The following ZNF563 variants were observed in gnomAD, a reference collection of about 807,000 sequenced individuals.
ZNF563 encodes the protein zinc finger protein 563.
ZNF563 carries 39 observed loss-of-function variants against 48.5 expected under a neutral mutation model. The observed-to-expected ratio is 0.80, with a 90% CI of 0.62 to 1.05. ZNF563 has a LOEUF of 1.05. Ranked by LOEUF, ZNF563 falls within the 50% of genes least tolerant of loss-of-function variation. The pLI is 0.00. For missense variants in ZNF563, 538 were observed against 597.0 expected, an observed-to-expected ratio of 0.90 and a Z score of 1.03; for synonymous variants, 168 against 187.9, an observed-to-expected ratio of 0.89 and a Z score of 0.87.
chr19:12,336,972 G>C (rs1969027347), upstream of ZNF563, among the ~76,000 whole-genome samples: 1 of 152,148 alleles, frequency 6.6e-6, no homozygotes, highest in African/African-American at 2.4e-5. Flanking sequence ...TTATTCATTT[G>C]AAACAGTCTT....
At chr19:12,346,172 T>G in the ZNF563 span, 3 of 152,060 alleles carry the variant, frequency 2.0e-5, no homozygotes, top group South Asian at 6.2e-4. Context: ...TCCAAGCACT[T>G]GGGAGCTGAA....
In ZNF563 at chr19:12,319,326, G is replaced by C. The variant is rs1311032845; in HGVS notation, c.699C>G (p.Ala233=). ...KPYECKQCSK[A]FPFYSSYRRH... ...TTCGATAGGAACTGTAAAAAGGAAA[G>C]GCTTTAGAACACTGCTTACATTCAT... Residue 233 remains alanine, a synonymous_variant, in exon 4 of 4, where the codon GCC becomes GCG. Coordinates refer to ENST00000293725, the MANE Select transcript of ZNF563 (RefSeq NM_145276.3). 2 of 1,613,890 alleles carry C rather than the reference G, an allele frequency of 1.2e-6. No homozygotes were observed. Among genetic ancestry groups the C allele is most frequent in the South Asian group, 1.1e-5 (1 of 91,062 alleles).
intron 1 of ZNF563, among the ~76,000 whole-genome samples, chr19:12,323,040 T>C (rs1968675580): frequency 6.6e-6 from 1 of 152,078 alleles, no homozygotes; most frequent in Non-Finnish European, 1.5e-5. Flanking sequence ...CTACTACCTA[T>C]TGTGCAGAAG....
chr19:12,325,378 G>A (rs1968766186), intron 1 of ZNF563, among the ~76,000 whole-genome samples: 1 of 151,190 alleles, frequency 6.6e-6, no homozygotes, highest in African/African-American at 2.4e-5. Context: ...GCTGCAGCAG[G>A]AGAATCGCTT....
intron 1 of ZNF563, among the ~76,000 whole-genome samples, chr19:12,325,156 T>G (rs1417160750): frequency 1.3e-5 from 2 of 152,140 alleles, no homozygotes; most frequent in Non-Finnish European, 2.9e-5. Flanking sequence ...ACAAATAGCC[T>G]GCAACTACTT....
the ZNF563 span, among the ~76,000 whole-genome samples, chr19:12,342,720 C>A: frequency 1.3e-5 from 2 of 150,940 alleles, no homozygotes; most frequent in Non-Finnish European, 2.9e-5. Flanking sequence ...CTGCAGTGAG[C>A]CCTGATTAGG....
intron 3 of ZNF563, 69 bp downstream of exon 3, chr19:12,321,203 T>A: frequency 8.7e-7 from 1 of 1,149,906 alleles, no homozygotes; most frequent in Non-Finnish European, 1.2e-6. Context: ...ATTTTCTTTG[T>A]TTTTAAAATT....
intron 3 of ZNF563, 50 bp from the exon 4 acceptor site, chr19:12,319,883 T>G: frequency 3.9e-6 from 6 of 1,526,502 alleles, no homozygotes; most frequent in Non-Finnish European, 4.4e-6. Context: ...TAAATGATTA[T>G]TTATTTATGT....
upstream of ZNF563, among the ~76,000 whole-genome samples, chr19:12,335,825 C>G (rs1398691803): frequency 6.6e-6 from 1 of 152,262 alleles, no homozygotes; most frequent in Non-Finnish European, 1.5e-5. Flanking sequence ...GCTGTCCATA[C>G]ATTAAGCCTA....
At chr19:12,327,451 C>G (rs1968821716) in intron 1 of ZNF563, among the ~76,000 whole-genome samples, 1 of 132,012 alleles carries the variant, frequency 7.6e-6, no homozygotes, top group African/African-American at 2.9e-5. Flanking sequence ...CAGAGTGACA[C>G]TCCATCTCAA....
intron 1 of ZNF563, among the ~76,000 whole-genome samples, chr19:12,326,460 A>G (rs1441350083): frequency 6.6e-6 from 1 of 152,096 alleles, no homozygotes; most frequent in African/African-American, 2.4e-5. Context: ...CCTGGCCAAC[A>G]TGGTGAAATC....
chr19:12,342,971 GT>G, the ZNF563 span, among the ~76,000 whole-genome samples: 4,428 of 149,020 alleles, frequency 0.03, 132 homozygotes, highest in Non-Finnish European at 0.042. Flanking sequence ...GCCGAGGCGG[GT>G]GGATCACGAG....
chr19:12,324,018 A>G (rs1968704214), intron 1 of ZNF563, among the ~76,000 whole-genome samples: 2 of 152,234 alleles, frequency 1.3e-5, no homozygotes, highest in South Asian at 4.1e-4. Flanking sequence ...TCTTATGAAT[A>G]TTTATAAAAT....
intron 2 of ZNF563, among the ~76,000 whole-genome samples, chr19:12,322,213 G>A (rs773794954): frequency 1.2e-4 from 18 of 151,936 alleles, no homozygotes; most frequent in Middle Eastern, 3.4e-3. Flanking sequence ...GCGCCACCAC[G>A]CCTGGCTAAT....
chr19:12,319,848 T>G lies in ZNF563; in HGVS notation c.192-15A>C. On this transcript the variant is annotated splice_polypyrimidine_tract_variant and intron_variant, in intron 3 of 3. Coordinates refer to ENST00000293725, the MANE Select transcript of ZNF563 (RefSeq NM_145276.3). Reference sequence around the variant, plus strand: ...CCATATGACATCTGTAAAAAATGAGTAGTACGTTACTAAATAGTTGTTTCT... The same window carrying G: ...CCATATGACATCTGTAAAAAATGAGGAGTACGTTACTAAATAGTTGTTTCT... The G allele has an allele frequency of 6.2e-7, 1 of 1,601,842 alleles. No individual in the cohort carries two copies. The highest frequency in any genetic ancestry group is 1.7e-5 in the Admixed American group (1 of 58,994).
At chr19:12,336,673 C>G (rs1969024175), upstream of ZNF563, among the ~76,000 whole-genome samples, 1 of 152,164 alleles carries the variant, frequency 6.6e-6, no homozygotes, top group Non-Finnish European at 1.5e-5. Context: ...ATTATTTTTA[C>G]CTTAGCAAAC....
chr19:12,342,337 A>G, the ZNF563 span, among the ~76,000 whole-genome samples: 1 of 152,008 alleles, frequency 6.6e-6, no homozygotes, highest in Non-Finnish European at 1.5e-5. Context: ...TATTTTTCAA[A>G]TACAGTGAAA....
intron 1 of ZNF563, among the ~76,000 whole-genome samples, chr19:12,332,664 C>T (rs1968953252): frequency 6.6e-6 from 1 of 152,166 alleles, no homozygotes; most frequent in Non-Finnish European, 1.5e-5. Flanking sequence ...TGCTCACCAT[C>T]AAACGCCTCA....
At chr19:12,339,428 C>T in the ZNF563 span, among the ~76,000 whole-genome samples, 6 of 151,782 alleles carry the variant, frequency 4.0e-5, no homozygotes, top group Non-Finnish European at 5.9e-5. Flanking sequence ...TACAAGTACC[C>T]GCCACTACGC....
Sources: allele counts gnomAD v4.1 joint callset (sites outside exome capture counted in the v4.1 genomes callset), GRCh38; gene constraint gnomAD v4.1.1; transcripts MANE v1.5; gene names NCBI Gene and HGNC (gene_info 2026-07-23, HGNC 2026-07-21).